SIPA1L2: variants seen among roughly 807,000 people sequenced by gnomAD.
SIPA1L2 encodes signal-induced proliferation-associated 1-like protein 2.
In SIPA1L2, 56 loss-of-function variants were observed where a neutral mutation model predicts 163.9. The observed-to-expected ratio is 0.34, with a 90% CI of 0.28 to 0.43. The LOEUF (loss-of-function observed/expected upper bound fraction) is 0.43, where lower values mean the gene tolerates loss of function less well. Among genes scored for constraint, SIPA1L2 ranks in the 20% least tolerant of loss-of-function variants. The pLI, the probability that SIPA1L2 is intolerant of heterozygous loss-of-function variation, is 1.00. For missense variants in SIPA1L2, 1,974 were observed against 2,193.5 expected (o/e 0.90, Z 2.00); for synonymous variants, 877 against 865.7 (o/e 1.01, Z -0.23).
At chr1:232,500,356 T>C (rs749729093) in intron 3 of SIPA1L2, among the ~76,000 whole-genome samples, 11 of 152,234 alleles carry the variant, frequency 7.2e-5, no homozygotes, top group African/African-American at 2.7e-4. Flanking sequence ...CCGCCATACA[T>C]AGAGATTCAT....
intron 18 of SIPA1L2, among the ~76,000 whole-genome samples, chr1:232,416,585 A>G (rs932842938): frequency 1.3e-5 from 2 of 152,240 alleles, no homozygotes; most frequent in Non-Finnish European, 2.9e-5. Flanking sequence ...ATCCTGATTC[A>G]TAAAGCTTAC....
chr1:232,588,738 T>C (rs115483564), intron 1 of SIPA1L2, among the ~76,000 whole-genome samples: 3,031 of 152,284 alleles, frequency 0.02, 51 homozygotes, highest in Non-Finnish European at 0.029. Flanking sequence ...TCACAACAGA[T>C]TGAATGCAGA....
At chr1:232,585,768 G>A (rs567591710) in intron 1 of SIPA1L2, among the ~76,000 whole-genome samples, 7 of 152,178 alleles carry the variant, frequency 4.6e-5, no homozygotes, top group Non-Finnish European at 1.0e-4. Context: ...TGCTAAGAGT[G>A]CTGATACTGA....
chr1:232,571,010 A>C (rs1659696905), intron 2 of SIPA1L2, among the ~76,000 whole-genome samples: 1 of 151,814 alleles, frequency 6.6e-6, no homozygotes, highest in South Asian at 2.1e-4. Flanking sequence ...ACTTGATAAA[A>C]GAGAACTCAA....
In SIPA1L2 at chr1:232,629,911, G is replaced by T. The variant is rs11577683; in HGVS notation, c.-361C>A. The stretch of plus-strand genomic sequence containing the variant: ...CCGGAACCTGCTACAGCCTGTGCGC[G>T]CCGGGCGGCGCGTACCCGGGCTGCC... On this transcript the variant is annotated 5_prime_UTR_variant, in exon 1 of 23. Coordinates refer to ENST00000674635, the MANE Select transcript of SIPA1L2 (RefSeq NM_020808.5). Among the ~76,000 whole-genome samples, 4 of 150,934 alleles carry T rather than the reference G, an allele frequency of 2.7e-5. No homozygotes were observed. The highest frequency in any genetic ancestry group is 4.4e-5 in the Non-Finnish European group (3 of 67,454).
chr1:232,530,918 A>G (rs1034220387), intron 2 of SIPA1L2, among the ~76,000 whole-genome samples: 47 of 152,228 alleles, frequency 3.1e-4, no homozygotes, highest in African/African-American at 1.1e-3. Context: ...ATTTACTCAC[A>G]AGGTTCTTTA....
At chr1:232,546,587 A>G (rs1658044451) in intron 2 of SIPA1L2, among the ~76,000 whole-genome samples, 1 of 152,184 alleles carries the variant, frequency 6.6e-6, no homozygotes, top group African/African-American at 2.4e-5. Context: ...CTGCGTGGCA[A>G]ACTGAACACA....
intron 18 of SIPA1L2, among the ~76,000 whole-genome samples, chr1:232,419,368 CTGTTTT>C (rs1202488160): frequency 1.3e-5 from 2 of 152,108 alleles, no homozygotes; most frequent in African/African-American, 2.4e-5. Context: ...AATTACTATT[CTGTTTT>C]TGTTTTTGTT....
intron 1 of SIPA1L2, among the ~76,000 whole-genome samples, chr1:232,623,343 C>T (rs145174234): frequency 6.2e-4 from 94 of 152,316 alleles, no homozygotes; most frequent in African/African-American, 2.2e-3. Context: ...CAGTGGCTCA[C>T]GCCTGTAATC....
intron 10 of SIPA1L2, among the ~76,000 whole-genome samples, chr1:232,456,394 G>A (rs1222071257): frequency 6.6e-6 from 1 of 152,118 alleles, no homozygotes; most frequent in Non-Finnish European, 1.5e-5. Flanking sequence ...ATAGAATGAT[G>A]AGAGAATAAT....
rs761687737 is a variant in SIPA1L2, at chr1:232,415,518, C to T, written c.4738G>A (p.Val1580Met). Residue 1580 changes from valine to methionine, a missense_variant, in exon 19 of 23, where the codon GTG becomes ATG. Transcript: ENST00000674635. ...TATGLDWTHL[V>M]DAARAFEGLD... ...CCTTCAAATGCCCGTGCAGCATCCA[C>T]GAGGTGGGTCCAATCTAACCCTGTG... 6.2e-6 allele frequency: 10 copies of T among 1,612,350 alleles called. No individual in the cohort carries two copies. Among genetic ancestry groups the T allele is most frequent in the South Asian group, 5.5e-5 (5 of 90,712 alleles).
chr1:232,532,535 C>G (rs1252762900), intron 2 of SIPA1L2, among the ~76,000 whole-genome samples: 1 of 152,120 alleles, frequency 6.6e-6, no homozygotes, highest in Non-Finnish European at 1.5e-5. Flanking sequence ...GCTATATGTT[C>G]AAATCATTTG....
At chr1:232,424,667 T>C (rs1661782146) in intron 18 of SIPA1L2, among the ~76,000 whole-genome samples, 1 of 152,212 alleles carries the variant, frequency 6.6e-6, no homozygotes, top group South Asian at 2.1e-4. Context: ...CAGGTTATTA[T>C]GTTACTTAAA....
At chr1:232,500,885 G>A (rs1666432780) in intron 3 of SIPA1L2, among the ~76,000 whole-genome samples, 1 of 151,908 alleles carries the variant, frequency 6.6e-6, no homozygotes, top group Non-Finnish European at 1.5e-5. Context: ...AATCAATGTG[G>A]CAAACTTCAC....
intron 9 of SIPA1L2, among the ~76,000 whole-genome samples, chr1:232,461,804 A>C (rs1266509755): frequency 6.6e-6 from 1 of 152,214 alleles, no homozygotes; most frequent in Non-Finnish European, 1.5e-5. Context: ...CTAGGGACAT[A>C]CTGTGGAGTG....
chr1:232,562,453 C>T (rs182195899), intron 2 of SIPA1L2, among the ~76,000 whole-genome samples: 139 of 152,078 alleles, frequency 9.1e-4, no homozygotes, highest in Non-Finnish European at 1.7e-3. Flanking sequence ...TAACACACCG[C>T]CTATTAGAGC....
At chr1:232,451,218 A>G (rs1411035752) in intron 10 of SIPA1L2, among the ~76,000 whole-genome samples, 6 of 152,218 alleles carry the variant, frequency 3.9e-5, no homozygotes, top group Admixed American at 3.9e-4. Flanking sequence ...TAAAGGATGC[A>G]TACAGAAAAT....
rs146145104 is a variant in SIPA1L2 at position 232,584,384 on chromosome 1, C to G, written c.-318-10162G>C. 7.9e-5 allele frequency among the ~76,000 whole-genome samples: 12 copies of G among 152,320 alleles called. No homozygotes were observed. The East Asian group carries it at 1.7e-3, about 22-fold the overall frequency. On this transcript the variant is annotated intron_variant, in intron 1 of 22. Transcript: ENST00000674635. ...AGACTACAGGTGCATGCCACCACGC[C>G]CAGCGAATTTTTGCATTTTTAGTAG...
chr1:232,471,823 T>C (rs1315639618), intron 7 of SIPA1L2, among the ~76,000 whole-genome samples: 2 of 152,224 alleles, frequency 1.3e-5, no homozygotes, highest in Non-Finnish European at 2.9e-5. Flanking sequence ...AATAATAGCA[T>C]GTTAGAGCTC....
Sources: allele counts gnomAD v4.1 joint callset (sites outside exome capture counted in the v4.1 genomes callset), GRCh38; gene constraint gnomAD v4.1.1; transcripts MANE v1.5; gene names NCBI Gene and HGNC (gene_info 2026-07-23, HGNC 2026-07-21).